The following CUX1 variants were observed in gnomAD, a reference collection of about 807,000 sequenced individuals.
CUX1 encodes the protein protein CASP.
Under a neutral mutation model 158.8 loss-of-function variants are expected in CUX1, and 31 were observed. The observed-to-expected ratio is 0.20, with a 90% CI of 0.15 to 0.26. The LOEUF (loss-of-function observed/expected upper bound fraction) is 0.26, where lower values mean the gene tolerates loss of function less well. CUX1 is among the 10% of genes least tolerant of loss of function. The pLI is 1.00. For missense variants in CUX1, 1,589 were observed against 2,014.6 expected, an observed-to-expected ratio of 0.79 and a Z score of 4.04; for synonymous variants, 879 against 862.1, an observed-to-expected ratio of 1.02 and a Z score of -0.34.
At chr7:102,283,333 C>T in exon 23 of CUX1, 2 of 549,242 alleles carry the variant, frequency 3.6e-6, no homozygotes, top group Middle Eastern at 4.8e-4. Flanking sequence ...CAGAGACCCT[C>T]TCAGCCCCCA....
At chr7:102,077,569 C>G (rs1252800732) in intron 4 of CUX1, among the ~76,000 whole-genome samples, 1 of 147,100 alleles carries the variant, frequency 6.8e-6, no homozygotes, top group East Asian at 2.0e-4. Context: ...GTAAAATATG[C>G]AGCCTCTGTC....
intron 1 of CUX1, among the ~76,000 whole-genome samples, chr7:101,885,508 A>G (rs966185713): frequency 2.6e-5 from 4 of 152,260 alleles, no homozygotes; most frequent in Non-Finnish European, 2.9e-5. Flanking sequence ...GCAGTGAGCT[A>G]TGATTGCACC....
chr7:101,944,471 A>G (rs943099106), intron 2 of CUX1, among the ~76,000 whole-genome samples: 10 of 152,212 alleles, frequency 6.6e-5, no homozygotes, highest in Admixed American at 2.6e-4. Flanking sequence ...CGGGAGACGC[A>G]TGCTCCTCCG....
chr7:102,221,238 G>A (rs184758226), intron 20 of CUX1, among the ~76,000 whole-genome samples: 41 of 152,368 alleles, frequency 2.7e-4, no homozygotes, highest in Admixed American at 2.5e-3. Context: ...AGAATGTCAC[G>A]GAGTACCCTG....
At chr7:102,186,534 C>T (rs1275135272) in intron 11 of CUX1, among the ~76,000 whole-genome samples, 4 of 151,640 alleles carry the variant, frequency 2.6e-5, no homozygotes, top group Admixed American at 1.3e-4. Context: ...TAGGTGAATG[C>T]GTTGTTGTGC....
chr7:102,100,446 G>A (rs190902767), intron 5 of CUX1, among the ~76,000 whole-genome samples: 2 of 152,194 alleles, frequency 1.3e-5, no homozygotes, highest in African/African-American at 4.8e-5. Context: ...GCTTAAATAT[G>A]CATATACACA....
At chr7:101,898,907 T>C (rs1486702072) in intron 1 of CUX1, among the ~76,000 whole-genome samples, 1 of 152,220 alleles carries the variant, frequency 6.6e-6, no homozygotes, top group East Asian at 1.9e-4. Context: ...CCTTTATAGT[T>C]ACACTAGCTT....
intron 21 of CUX1, among the ~76,000 whole-genome samples, chr7:102,229,967 T>G (rs1211162743): frequency 1.3e-5 from 2 of 152,192 alleles, no homozygotes; most frequent in African/African-American, 4.8e-5. Context: ...CAGTGTGGTG[T>G]TAACCAGGCA....
At chr7:102,189,064 C>G (rs1347369179) in intron 11 of CUX1, among the ~76,000 whole-genome samples, 2 of 152,110 alleles carry the variant, frequency 1.3e-5, no homozygotes, top group African/African-American at 4.8e-5. Context: ...CTCCTAAAAC[C>G]CCAGCATCCA....
At chr7:102,086,091 G>A (rs1827926676) in intron 4 of CUX1, among the ~76,000 whole-genome samples, 1 of 152,060 alleles carries the variant, frequency 6.6e-6, no homozygotes, top group Admixed American at 6.5e-5. Flanking sequence ...TTAAATATCT[G>A]TAGGATGTGT....
intron 3 of CUX1, among the ~76,000 whole-genome samples, chr7:102,051,015 T>C (rs1362510643): frequency 6.6e-6 from 1 of 152,142 alleles, no homozygotes; most frequent in Non-Finnish European, 1.5e-5. Flanking sequence ...CCCACCCTGA[T>C]TGACATCCTC....
chr7:102,052,169 C>T (rs866111242), intron 3 of CUX1, among the ~76,000 whole-genome samples: 19 of 149,006 alleles, frequency 1.3e-4, no homozygotes, highest in African/African-American at 3.7e-4. Context: ...TGCAGTAAGC[C>T]GAGATTGCAC....
intron 9 of CUX1, among the ~76,000 whole-genome samples, chr7:102,160,714 CCTGTATGAAG>C (rs572827187): frequency 1.9e-4 from 29 of 152,152 alleles, no homozygotes; most frequent in Admixed American, 2.6e-4. Flanking sequence ...AATGATTCCA[CCTGTATGAAG>C]TATCTAGAGG....
In CUX1 at chr7:102,251,352, G is replaced by T. The variant is rs1026736397; in HGVS notation, c.*2310G>T. The T allele has an allele frequency of 4.1e-6, 4 of 985,178 alleles. No individual in the cohort carries two copies. The African/African-American group carries it at 7.0e-5, about 17-fold the overall frequency. The allele number at this position is 985,178 out of a possible 1,614,324, so 61.0% of individuals were successfully genotyped here. On this transcript the variant is annotated 3_prime_UTR_variant, in exon 24 of 24. Coordinates refer to ENST00000292535, the MANE Select transcript of CUX1 (RefSeq NM_181552.4). The stretch of plus-strand genomic sequence containing the variant: ...CTTTGACTGTAAGATGTGAAACCAC[G>T]TTTCTTGCATGATGTTTTAGAGATT...
intron 8 of CUX1, among the ~76,000 whole-genome samples, chr7:102,117,838 C>T (rs1831596432): frequency 6.6e-6 from 1 of 152,176 alleles, no homozygotes; most frequent in African/African-American, 2.4e-5. Context: ...GAACGATTTG[C>T]CTGTGGGGTA....
Position 102,095,369 on chromosome 7 carries a change from TAATG to T in CUX1, c.269-1992_269-1989del, listed in dbSNP as rs1236532331. Among the ~76,000 whole-genome samples, 3 of 152,234 alleles carry T rather than the reference TAATG, an allele frequency of 2.0e-5. No homozygotes were observed. The East Asian group carries it at 5.8e-4, about 29-fold the overall frequency. The stretch of plus-strand genomic sequence containing the variant: ...AATATTTTGATGCTGATTAAAATAA[TAATG>T]AAAAGCCATGCACCAGAAAGAGATG... On this transcript the variant is annotated intron_variant, in intron 4 of 23. Transcript: ENST00000292535.
intron 2 of CUX1, chr7:101,960,462 C>G (rs1810335211): frequency 1.3e-5 from 2 of 152,126 alleles, no homozygotes; most frequent in Admixed American, 1.3e-4. Context: ...TGACAAGACC[C>G]CATCTCTGCC....
intron 4 of CUX1, among the ~76,000 whole-genome samples, chr7:102,095,917 A>T (rs1316451507): frequency 2.0e-5 from 3 of 152,248 alleles, no homozygotes; most frequent in Non-Finnish European, 2.9e-5. Context: ...CCTCTTAGGC[A>T]GCAGAAAGAA....
intron 21 of CUX1, among the ~76,000 whole-genome samples, chr7:102,282,438 C>T (rs1465200625): frequency 6.6e-6 from 1 of 152,164 alleles, no homozygotes; most frequent in Non-Finnish European, 1.5e-5. Context: ...ATGGCCCCTA[C>T]AGAGCTAACC....
Sources: allele counts gnomAD v4.1 joint callset (sites outside exome capture counted in the v4.1 genomes callset), GRCh38; gene constraint gnomAD v4.1.1; transcripts MANE v1.5; gene names NCBI Gene and HGNC (gene_info 2026-07-23, HGNC 2026-07-21).